POMT2: variants seen among roughly 807,000 people sequenced by gnomAD.
POMT2 encodes protein O-mannosyl-transferase 2.
Under a neutral mutation model 100.0 loss-of-function variants are expected in POMT2, and 75 were observed. The observed-to-expected ratio is 0.75, with a 90% CI of 0.62 to 0.91. POMT2 has a LOEUF of 0.91. Ranked by LOEUF, POMT2 falls within the 40% of genes least tolerant of loss-of-function variation. The pLI is 0.00. For missense variants in POMT2, 940 were observed against 955.1 expected, an observed-to-expected ratio of 0.98 and a Z score of 0.21; for synonymous variants, 378 against 374.1, an observed-to-expected ratio of 1.01 and a Z score of -0.12.
Position 77,275,640 on chromosome 14 carries a change from G to C in POMT2, c.*1736C>G, listed in dbSNP as rs1889914792. On this transcript the variant is annotated 3_prime_UTR_variant, in exon 21 of 21. Coordinates refer to ENST00000261534, the MANE Select transcript of POMT2 (RefSeq NM_013382.7). The stretch of plus-strand genomic sequence containing the variant: ...GAGGGGAGGGGAGGACACACGGTGA[G>C]GTGGAAGCAGCGAGCAGAGCTTCTC... 1 of 152,278 alleles carries C rather than the reference G, an allele frequency of 6.6e-6. No individual in the cohort carries two copies. The highest frequency in any genetic ancestry group is 1.5e-5 in the Non-Finnish European group (1 of 68,100). 9.4% of individuals were successfully genotyped at this position (152,278 alleles called of 1,614,324 possible).
intron 5 of POMT2, 58 bp from the exon 6 acceptor site, chr14:77,301,307 C>G: frequency 6.3e-7 from 1 of 1,599,948 alleles, no homozygotes; most frequent in Non-Finnish European, 8.6e-7. Context: ...CAAACGCAAG[C>G]GCAGCAGGGG....
At chr14:77,300,819 C>CAAAAA in intron 6 of POMT2, 2 of 339,278 alleles carry the variant, frequency 5.9e-6, no homozygotes, top group Non-Finnish European at 1.1e-5. Flanking sequence ...AACTCTATCT[C>CAAAAA]AAAAAAAAAA....
intron 6 of POMT2, chr14:77,300,545 C>T (rs563715112): frequency 6.1e-6 from 1 of 164,078 alleles, no homozygotes; most frequent in East Asian, 1.8e-4. Context: ...TCAGACCGGG[C>T]TCGGTGGCTC....
intron 11 of POMT2, chr14:77,287,263 A>G (rs1890459303): frequency 5.3e-6 from 1 of 189,630 alleles, no homozygotes; most frequent in Non-Finnish European, 1.1e-5. Flanking sequence ...GATTTTTTTA[A>G]GTGGACATCT....
intron 9 of POMT2, among the ~76,000 whole-genome samples, chr14:77,295,882 T>A (rs2140217694): frequency 6.6e-6 from 1 of 152,026 alleles, no homozygotes; most frequent in Middle Eastern, 3.4e-3. Context: ...CAGTTCAATA[T>A]GAGAAGGTTT....
chr14:77,285,279 C>T (rs1326319080), intron 13 of POMT2: 10 of 752,402 alleles, frequency 1.3e-5, no homozygotes, highest in Non-Finnish European at 2.1e-5. Context: ...AAATGTTGAA[C>T]TATCAGAACA....
chr14:77,316,962 T>G (rs946570765), intron 1 of POMT2, among the ~76,000 whole-genome samples: 16 of 152,166 alleles, frequency 1.1e-4, no homozygotes, highest in Non-Finnish European at 1.8e-4. Context: ...CTCACGTAGG[T>G]GCCCACACTA....
At position 77,306,504 on chromosome 14, in the gene POMT2, G is replaced by C. The variant is rs1410742136; in HGVS notation, c.334-63C>G. On this transcript the variant is annotated intron_variant, in intron 2 of 20. Transcript: ENST00000261534. Reference sequence around the variant, plus strand: ...TTGGGAGAAGATTCCTCTGTCCTCTGAACTTCCCTCCAGCTGCACCCACAG... The same window carrying C: ...TTGGGAGAAGATTCCTCTGTCCTCTCAACTTCCCTCCAGCTGCACCCACAG... 9 of 1,579,626 alleles carry C rather than the reference G, an allele frequency of 5.7e-6. No homozygotes were observed. The Admixed American group carries it at 8.5e-5, about 15-fold the overall frequency.
At chr14:77,281,753 C>T (rs1293120763) in intron 15 of POMT2, among the ~76,000 whole-genome samples, 1 of 152,220 alleles carries the variant, frequency 6.6e-6, no homozygotes, top group South Asian at 2.1e-4. Flanking sequence ...TCCTGGCCTC[C>T]ACTCACTGAA....
intron 9 of POMT2, 152 bp downstream of exon 9, chr14:77,296,012 G>T: frequency 1.4e-6 from 1 of 706,516 alleles, no homozygotes; most frequent in Non-Finnish European, 2.5e-6. Context: ...GCCTAGAGAA[G>T]CTGGGGTTAG....
rs1594885046 is a variant in POMT2, at chr14:77,279,857, C to G, written c.1857G>C (p.Met619Ile). The change falls in exon 18 of 21, where the codon ATG (methionine) becomes ATC (isoleucine). Residue 619 changes from methionine to isoleucine, a missense_variant. By Grantham distance (10) the Met-to-Ile change is conservative (BLOSUM62 1). Transcript: ENST00000261534. The part of the protein sequence containing the change: ...LLSGSIIAVA[M>I]QRGARLPAEV... ...CCGCTGGCAGCCGTGCCCCTCTCTG[C>G]ATGGCTACAGCAATGATGCTCCCTG... 1 of 1,613,966 alleles carries G rather than the reference C, an allele frequency of 6.2e-7. No individual in the cohort carries two copies. Among genetic ancestry groups the G allele is most frequent in the Non-Finnish European group, 8.5e-7 (1 of 1,180,002 alleles).
chr14:77,307,861 T>C lies in POMT2; in HGVS notation c.334-1420A>G, dbSNP rs866568021. The stretch of plus-strand genomic sequence containing the variant: ...AGTAGCCCCAAGTTAATTTCTTCTT[T>C]TTTTTTTTTTTTTTTTTTTGAGACA... On this transcript the variant is annotated intron_variant, in intron 2 of 20. Coordinates refer to ENST00000261534, the MANE Select transcript of POMT2 (RefSeq NM_013382.7). Among the ~76,000 whole-genome samples, 167 of 139,824 alleles carry C rather than the reference T, an allele frequency of 1.2e-3. 2 individuals are homozygous for C. The South Asian group carries it at 0.036, about 30-fold the overall frequency. 91.7% of individuals were successfully genotyped at this position (139,824 alleles called of 152,430 possible).
At chr14:77,279,206 G>A (rs577855027) in intron 18 of POMT2, 23 of 417,342 alleles carry the variant, frequency 5.5e-5, no homozygotes, top group South Asian at 2.7e-4. Context: ...TCTTTGCAGC[G>A]GCAGACAGGC....
Position 77,288,832 on chromosome 14 carries a change from C to G in POMT2, c.1184-1G>C, listed in dbSNP as rs751984732. The G allele has an allele frequency of 1.2e-6, 2 of 1,613,694 alleles. No individual in the cohort carries two copies. Among genetic ancestry groups the G allele is most frequent in the East Asian group, 4.5e-5 (2 of 44,858 alleles). ...ACTGGGAAGGAAGGGTCTAGGGGAT[C>G]TGCCAAAAAGAAACAAGCATTGATA... On this transcript the variant is annotated splice_acceptor_variant, in intron 10 of 20. Coordinates refer to ENST00000261534, the MANE Select transcript of POMT2 (RefSeq NM_013382.7). LOFTEE classifies it high-confidence loss of function.
At chr14:77,289,761 C>A (rs1890573777) in intron 10 of POMT2, among the ~76,000 whole-genome samples, 1 of 152,206 alleles carries the variant, frequency 6.6e-6, no homozygotes, top group Admixed American at 6.5e-5. Context: ...GATTAAAGGA[C>A]TACTTCTGTA....
intron 10 of POMT2, 95 bp from the exon 11 acceptor site, chr14:77,288,926 A>G (rs1890542811): frequency 6.5e-6 from 7 of 1,070,026 alleles, no homozygotes; most frequent in Non-Finnish European, 8.6e-6. Flanking sequence ...ACCATGTGGT[A>G]TCTGCTAGAG....
At chr14:77,286,662 G>A in intron 12 of POMT2, 82 bp downstream of exon 12, 1 of 1,578,044 alleles carries the variant, frequency 6.3e-7, no homozygotes, top group Non-Finnish European at 8.7e-7. Context: ...CCAGAATTCT[G>A]GGGAGGAGAT....
At chr14:77,311,211 A>G (rs936406981) in intron 2 of POMT2, among the ~76,000 whole-genome samples, 8 of 152,250 alleles carry the variant, frequency 5.3e-5, no homozygotes, top group African/African-American at 1.7e-4. Flanking sequence ...TGAGAGAAAC[A>G]GATCAAACCA....
intron 5 of POMT2, 74 bp downstream of exon 5, chr14:77,302,761 G>T: frequency 7.9e-7 from 1 of 1,260,852 alleles, no homozygotes; most frequent in Non-Finnish European, 1.1e-6. Flanking sequence ...CACCCGCCCT[G>T]GCCCTGGCCA....
Sources: allele counts gnomAD v4.1 joint callset (sites outside exome capture counted in the v4.1 genomes callset), GRCh38; gene constraint gnomAD v4.1.1; transcripts MANE v1.5; gene names NCBI Gene and HGNC (gene_info 2026-07-23, HGNC 2026-07-21).